Variants in MYO6 observed in about 807,000 individuals in gnomAD.
MYO6 encodes the protein myosin VI.
In MYO6, 74 loss-of-function variants were observed where a neutral mutation model predicts 178.7. The observed-to-expected ratio is 0.41, with a 90% CI of 0.34 to 0.50. The LOEUF (loss-of-function observed/expected upper bound fraction) is 0.50. MYO6 is among the 20% of genes least tolerant of loss of function. The pLI is 0.09. For missense variants in MYO6, 1,330 were observed against 1,547.4 expected (o/e 0.86, Z 2.36); for synonymous variants, 477 against 504.6 (o/e 0.95, Z 0.73).
intron 1 of MYO6, among the ~76,000 whole-genome samples, chr6:75,788,486 C>T (rs1301561340): frequency 1.3e-5 from 2 of 152,252 alleles, no homozygotes; most frequent in Non-Finnish European, 2.9e-5. Flanking sequence ...GTCCCCCACA[C>T]ACTCTTCCAG....
At chr6:75,886,808 A>G (rs981382467) in intron 24 of MYO6, 36 bp from the exon 25 acceptor site, 2 of 1,607,896 alleles carry the variant, frequency 1.2e-6, no homozygotes, top group Non-Finnish European at 8.5e-7. Flanking sequence ...GTACTAAAGG[A>G]TGAAATTAAG....
intron 33 of MYO6, among the ~76,000 whole-genome samples, chr6:75,913,827 G>C (rs1342324948): frequency 6.6e-6 from 1 of 151,952 alleles, no homozygotes; most frequent in Non-Finnish European, 1.5e-5. Flanking sequence ...TGGTGGTAGT[G>C]GTATGTGTGT....
chr6:75,835,584 A>G (rs1407045468), intron 6 of MYO6, among the ~76,000 whole-genome samples: 3 of 152,228 alleles, frequency 2.0e-5, no homozygotes, highest in Admixed American at 2.0e-4. Flanking sequence ...GGCGCATGCC[A>G]GCATGCCTGG....
chr6:75,774,559 T>G (rs1374456648), intron 1 of MYO6, among the ~76,000 whole-genome samples: 4 of 152,162 alleles, frequency 2.6e-5, no homozygotes, highest in African/African-American at 9.6e-5. Flanking sequence ...TTGAAATACA[T>G]TAAAGCAACA....
At chr6:75,807,967 A>AT (rs1456587972) in intron 1 of MYO6, among the ~76,000 whole-genome samples, 21 of 151,676 alleles carry the variant, frequency 1.4e-4, no homozygotes, top group Admixed American at 1.0e-3. Flanking sequence ...TCTGGTTCAC[A>AT]TGCCTCTGAC....
At chr6:75,754,888 T>G (rs1325467140) in intron 1 of MYO6, among the ~76,000 whole-genome samples, 1 of 152,192 alleles carries the variant, frequency 6.6e-6, no homozygotes, top group Non-Finnish European at 1.5e-5. Flanking sequence ...GAAGTAGATT[T>G]AGTAAATTTA....
rs932106347 is a variant in MYO6 at position 75,916,721 on chromosome 6, G to A, written c.*1709G>A. On this transcript the variant is annotated 3_prime_UTR_variant, in exon 35 of 35. Transcript: ENST00000369977. ...TTGAACAAAATTTAGTAGCCAAATT[G>A]TTTTTTAATGACATGTCTCTTTAGT... is the stretch of plus-strand genomic sequence containing the variant. The A allele has an allele frequency of 1.3e-5, 2 of 152,208 alleles. No homozygotes were observed. The highest frequency in any genetic ancestry group is 1.9e-4 in the East Asian group (1 of 5,202). The allele number at this position is 152,208 out of a possible 1,614,324, so 9.4% of individuals were successfully genotyped here.
intron 33 of MYO6, 45 bp downstream of exon 33, chr6:75,911,743 T>A: frequency 6.4e-7 from 1 of 1,564,812 alleles, no homozygotes; most frequent in Non-Finnish European, 8.8e-7. Flanking sequence ...GAAGATGGGT[T>A]AAAATACTTT....
intron 1 of MYO6, among the ~76,000 whole-genome samples, chr6:75,756,982 ATATATGTATACACACATATATAGTGTG>A (rs1777444537): frequency 7.2e-6 from 1 of 139,172 alleles, no homozygotes; most frequent in African/African-American, 2.7e-5. Flanking sequence ...TATAGTGTGT[ATATATGTATACACACATATATAGTGTG>A]TATATATGTA....
At chr6:75,808,450 A>G (rs1053445424) in intron 1 of MYO6, among the ~76,000 whole-genome samples, 8 of 152,092 alleles carry the variant, frequency 5.3e-5, no homozygotes, top group African/African-American at 1.9e-4. Flanking sequence ...ACCTCATTTA[A>G]TCTTAATTAC....
At chr6:75,834,581 A>G (rs1474156419) in intron 6 of MYO6, among the ~76,000 whole-genome samples, 1 of 152,150 alleles carries the variant, frequency 6.6e-6, no homozygotes, top group Non-Finnish European at 1.5e-5. Context: ...AGGAATCATA[A>G]CACTCATTGT....
At chr6:75,903,820 T>G (rs1780029924) in intron 30 of MYO6, among the ~76,000 whole-genome samples, 1 of 152,062 alleles carries the variant, frequency 6.6e-6, no homozygotes, top group Non-Finnish European at 1.5e-5. Flanking sequence ...TTCTTCCTAG[T>G]CTCGATGGTC....
intron 6 of MYO6, among the ~76,000 whole-genome samples, chr6:75,834,287 C>T (rs1450033911): frequency 3.3e-5 from 5 of 152,122 alleles, no homozygotes; most frequent in Admixed American, 3.3e-4. Flanking sequence ...GGCTGTAGGG[C>T]AGTGGTGCAA....
At chr6:75,814,600 G>A (rs982319201) in intron 1 of MYO6, among the ~76,000 whole-genome samples, 5 of 152,122 alleles carry the variant, frequency 3.3e-5, no homozygotes, top group African/African-American at 1.2e-4. Context: ...AGTGGCTCAC[G>A]CCTGTAATCC....
rs45463793 is a variant in MYO6 at position 75,858,854 on chromosome 6, A to G, written c.1382-48A>G. ...ACATTTTATCCTATGATAAATTTAT[A>G]TGAAGTTGATCTCATAATGACTCTT... On this transcript the variant is annotated intron_variant, in intron 13 of 34. Coordinates refer to ENST00000369977, the MANE Select transcript of MYO6 (RefSeq NM_004999.4). 6.7e-3 allele frequency: 7,163 copies of G among 1,074,504 alleles called. 39 individuals carry two copies. Among genetic ancestry groups the G allele is most frequent in the Middle Eastern group, 0.015 (72 of 4,724 alleles). 66.6% of individuals were successfully genotyped at this position (1,074,504 alleles called of 1,614,324 possible).
At chr6:75,788,183 G>GC (rs1767864408) in intron 1 of MYO6, among the ~76,000 whole-genome samples, 1 of 152,192 alleles carries the variant, frequency 6.6e-6, no homozygotes, top group East Asian at 1.9e-4. Flanking sequence ...AAAGTTTCCA[G>GC]CCTGGGCAAC....
chr6:75,816,325 G>C (rs560355383), intron 1 of MYO6, among the ~76,000 whole-genome samples: 1 of 152,326 alleles, frequency 6.6e-6, no homozygotes, highest in African/African-American at 2.4e-5. Flanking sequence ...AATGCCCATG[G>C]GGAATGGTTA....
At chr6:75,846,579 G>A (rs1774745944) in intron 10 of MYO6, among the ~76,000 whole-genome samples, 1 of 151,986 alleles carries the variant, frequency 6.6e-6, no homozygotes, top group African/African-American at 2.4e-5. Context: ...AGCCATGGTT[G>A]GTACTTTTAA....
chr6:75,850,492 G>A (rs1208788130), intron 11 of MYO6, among the ~76,000 whole-genome samples: 2 of 152,168 alleles, frequency 1.3e-5, no homozygotes, highest in African/African-American at 4.8e-5. Context: ...ACAGAGGCTT[G>A]TGATAATTGT....
Sources: allele counts gnomAD v4.1 joint callset (sites outside exome capture counted in the v4.1 genomes callset), GRCh38; gene constraint gnomAD v4.1.1; transcripts MANE v1.5; gene names NCBI Gene and HGNC (gene_info 2026-07-23, HGNC 2026-07-21).